Variants in MEGF11 observed in about 807,000 individuals in gnomAD.
MEGF11 encodes multiple EGF like domains 11, also known as multiple epidermal growth factor-like domains protein 11.
In MEGF11, 126 loss-of-function variants were observed where a neutral mutation model predicts 146.6. The observed-to-expected ratio is 0.86, with a 90% CI of 0.74 to 1.00. The LOEUF (loss-of-function observed/expected upper bound fraction) is 1.00, where lower values mean the gene tolerates loss of function less well. Ranked by LOEUF, MEGF11 falls within the 50% of genes least tolerant of loss-of-function variation. MEGF11 has a pLI of 0.00. For missense variants in MEGF11, 1,509 were observed against 1,521.2 expected (o/e 0.99, Z 0.13); for synonymous variants, 532 against 583.4 (o/e 0.91, Z 1.27).
intron 5 of MEGF11, among the ~76,000 whole-genome samples, chr15:66,000,804 AC>A (rs1269798547): frequency 6.6e-6 from 1 of 152,214 alleles, no homozygotes; most frequent in Non-Finnish European, 1.5e-5. Context: ...TGGCTAAATC[AC>A]ACTAAAAGTG....
Position 66,026,063 on chromosome 15 carries a change from C to T in MEGF11, c.395-43575G>A, listed in dbSNP as rs73481666. Reference sequence around the variant, plus strand: ...TTTAAAAATGTCAATGCCAAGGCCCCGCTCCAGATTGTGATTCAGATCTCC... The same window carrying T: ...TTTAAAAATGTCAATGCCAAGGCCCTGCTCCAGATTGTGATTCAGATCTCC... On this transcript the variant is annotated intron_variant, in intron 5 of 25. Transcript: ENST00000395614. 8.7e-3 allele frequency among the ~76,000 whole-genome samples: 1,319 copies of T among 152,324 alleles called. 6 individuals carry two copies. Among genetic ancestry groups the T allele is most frequent in the African/African-American group, 0.014 (594 of 41,564 alleles).
intron 1 of MEGF11, among the ~76,000 whole-genome samples, chr15:66,219,625 G>C (rs148108970): frequency 6.6e-6 from 1 of 152,112 alleles, no homozygotes; most frequent in East Asian, 1.9e-4. Flanking sequence ...ATTTGAAATG[G>C]TATAGCCACT....
intron 1 of MEGF11, among the ~76,000 whole-genome samples, chr15:66,233,522 T>C (rs57893351): frequency 0.46 from 69,944 of 152,036 alleles, 17,042 homozygotes; most frequent in East Asian, 0.68. Flanking sequence ...AGGCATGAGC[T>C]ACTGCACCTG....
intron 2 of MEGF11, among the ~76,000 whole-genome samples, 183 bp from the exon 3 acceptor site, chr15:66,124,183 C>T (rs561920835): frequency 5.9e-5 from 9 of 152,280 alleles, no homozygotes; most frequent in South Asian, 2.1e-4. Context: ...CCAGCCTCCC[C>T]GACCCCAGGT....
At chr15:65,999,898 G>C (rs963471699) in intron 5 of MEGF11, among the ~76,000 whole-genome samples, 3 of 152,312 alleles carry the variant, frequency 2.0e-5, no homozygotes, top group African/African-American at 7.2e-5. Flanking sequence ...TCCTTCAGGG[G>C]AGGCACTTGG....
chr15:66,154,358 TG>T (rs1353155301), intron 1 of MEGF11, among the ~76,000 whole-genome samples: 1 of 152,182 alleles, frequency 6.6e-6, no homozygotes, highest in East Asian at 1.9e-4. Context: ...CCATCTCTTC[TG>T]GGATCTGCAG....
intron 1 of MEGF11, among the ~76,000 whole-genome samples, chr15:66,173,048 T>C (rs1156394018): frequency 6.6e-6 from 1 of 152,148 alleles, no homozygotes; most frequent in Admixed American, 6.5e-5. Context: ...GAGACAGCAG[T>C]GTTGATGCAC....
intron 1 of MEGF11, among the ~76,000 whole-genome samples, chr15:66,178,610 G>A (rs1020065595): frequency 3.3e-5 from 5 of 152,170 alleles, no homozygotes; most frequent in Admixed American, 6.5e-5. Context: ...GGTGCCTAGG[G>A]CAGCATTTAA....
At chr15:66,150,458 C>T (rs559240592) in intron 1 of MEGF11, among the ~76,000 whole-genome samples, 1 of 152,162 alleles carries the variant, frequency 6.6e-6, no homozygotes, top group South Asian at 2.1e-4. Flanking sequence ...AATTAATATT[C>T]TTTGAGGAGT....
intron 5 of MEGF11, among the ~76,000 whole-genome samples, chr15:65,999,352 T>C (rs888546785): frequency 1.3e-5 from 2 of 152,174 alleles, no homozygotes; most frequent in Non-Finnish European, 2.9e-5. Flanking sequence ...TTAAAGACCC[T>C]GAAGACCCTA....
intron 1 of MEGF11, among the ~76,000 whole-genome samples, chr15:66,199,398 T>C (rs2091094487): frequency 1.3e-5 from 2 of 152,188 alleles, no homozygotes; most frequent in South Asian, 4.2e-4. Flanking sequence ...GTCCGTCAAG[T>C]CTCCACTCCG....
intron 6 of MEGF11, among the ~76,000 whole-genome samples, chr15:65,981,761 G>T (rs2081647393): frequency 6.6e-6 from 1 of 152,160 alleles, no homozygotes; most frequent in African/African-American, 2.4e-5. Context: ...GGAACAGGCA[G>T]AGTAATCCTC....
intron 5 of MEGF11, among the ~76,000 whole-genome samples, chr15:66,041,394 T>TC (rs1308158933): frequency 6.6e-6 from 1 of 152,240 alleles, no homozygotes; most frequent in Non-Finnish European, 1.5e-5. Flanking sequence ...CACAACCCCT[T>TC]CCTCAGAGGG....
At chr15:65,969,060 G>T (rs563947654) in intron 8 of MEGF11, among the ~76,000 whole-genome samples, 19 of 152,234 alleles carry the variant, frequency 1.2e-4, no homozygotes, top group Admixed American at 3.9e-4. Flanking sequence ...TTGCTGGAGG[G>T]CCCCTTGGCT....
intron 1 of MEGF11, among the ~76,000 whole-genome samples, chr15:66,150,881 T>A (rs2089550279): frequency 6.9e-6 from 1 of 145,522 alleles, no homozygotes; most frequent in Non-Finnish European, 1.5e-5. Context: ...GAAAGAATTT[T>A]CCAAGGCCAC....
intron 4 of MEGF11, among the ~76,000 whole-genome samples, chr15:66,096,408 G>A (rs765801568): frequency 2.0e-5 from 3 of 152,250 alleles, no homozygotes; most frequent in Non-Finnish European, 1.5e-5. Flanking sequence ...AGGCCTGAGC[G>A]TTCATGGCCC....
chr15:65,958,220 G>A (rs911019367), intron 9 of MEGF11, among the ~76,000 whole-genome samples: 1 of 152,172 alleles, frequency 6.6e-6, no homozygotes, highest in Non-Finnish European at 1.5e-5. Context: ...CAAGACTTTG[G>A]GCCAGATGTG....
At chr15:66,194,904 C>T (rs1253313760) in intron 1 of MEGF11, among the ~76,000 whole-genome samples, 9 of 152,090 alleles carry the variant, frequency 5.9e-5, no homozygotes, top group South Asian at 2.1e-4. Context: ...TTTTGAACCC[C>T]GTTTGTGCAT....
At chr15:66,236,061 AG>A (rs1328826035) in intron 1 of MEGF11, among the ~76,000 whole-genome samples, 1 of 152,200 alleles carries the variant, frequency 6.6e-6, no homozygotes, top group Non-Finnish European at 1.5e-5. Flanking sequence ...AGTTCAGGGA[AG>A]GCTTCCTGGA....
Sources: gnomAD v4.1 joint callset for allele counts (sites outside exome capture counted in the v4.1 genomes callset) on GRCh38, gnomAD v4.1.1 for gene constraint, MANE v1.5 for transcripts, NCBI Gene and HGNC (gene_info 2026-07-23, HGNC 2026-07-21) for gene names.